Variants in AKNA observed in about 807,000 individuals in gnomAD.
AKNA encodes the protein microtubule organization protein AKNA.
AKNA carries 67 observed loss-of-function variants against 138.8 expected under a neutral mutation model. The observed-to-expected ratio is 0.48, with a 90% CI of 0.40 to 0.59. AKNA has a LOEUF of 0.59. AKNA is among the 20% of genes least tolerant of loss of function. AKNA has a pLI of 0.00. For synonymous variants in AKNA, 737 were observed against 754.4 expected (o/e 0.98, Z 0.38); for missense variants, 1,813 against 1,880.4 (o/e 0.96, Z 0.66).
Position 114,368,519 on chromosome 9 carries a change from A to G in AKNA, c.1493T>C (p.Leu498Ser). The part of the protein sequence containing the change: ...TGMVPQGTKV[L>S]SFTIPQPRSA... ...GCGGGGCTGTGGGATGGTGAAGGACAAGACCTTGGTCCCCTGGGGCACCAT... is the reference window on the plus strand; with the variant it reads ...GCGGGGCTGTGGGATGGTGAAGGACGAGACCTTGGTCCCCTGGGGCACCAT... Residue 498 changes from leucine (L) to serine (S), a missense_variant, in exon 5 of 22, where the codon TTG becomes TCG. Leu to Ser is a moderately radical substitution (Grantham distance 145, BLOSUM62 -2). Coordinates refer to ENST00000374088, the MANE Select transcript of AKNA (RefSeq NM_001317950.2). 7.3e-7 allele frequency: 1 copy of G among 1,377,448 alleles called. No homozygotes were observed. Among genetic ancestry groups the G allele is most frequent in the Non-Finnish European group, 9.5e-7 (1 of 1,057,352 alleles). The allele number at this position is 1,377,448 out of a possible 1,614,324, so 85.3% of individuals were successfully genotyped here.
Position 114,357,932 on chromosome 9 carries a change from G to A in AKNA, c.2728C>T (p.Pro910Ser). ...ATGTGGAGACTTACCTCCAGGTGGG[G>A]CCCACCGCCTCGGTGCAAAGGCTTC... The part of the protein sequence containing the change: ...PQKPLHRGGG[P>S]HLEETWMASP... Residue 910 changes from proline (P) to serine (S), a missense_variant, in exon 12 of 22, where the codon CCC (proline) becomes TCC (serine). Transcript: ENST00000374088. 6.3e-7 allele frequency: 1 copy of A among 1,597,968 alleles called. No homozygotes were observed. The highest frequency in any genetic ancestry group is 8.5e-7 in the Non-Finnish European group (1 of 1,175,302).
At chr9:114,357,433 C>T (rs1040244932) in intron 12 of AKNA, among the ~76,000 whole-genome samples, 1 of 152,222 alleles carries the variant, frequency 6.6e-6, no homozygotes, top group Non-Finnish European at 1.5e-5. Flanking sequence ...AGAACACAAA[C>T]AGAGCAACAC....
chr9:114,351,393 C>A (rs1831108575), intron 14 of AKNA, among the ~76,000 whole-genome samples: 1 of 152,198 alleles, frequency 6.6e-6, no homozygotes, highest in Non-Finnish European at 1.5e-5. Context: ...AGAGCCTCCT[C>A]TGAAATTATA....
chr9:114,343,820 G>T lies in AKNA; in HGVS notation c.3662-17C>A. The T allele has an allele frequency of 6.3e-7, 1 of 1,598,658 alleles. No individual in the cohort carries two copies. The highest frequency in any genetic ancestry group is 8.6e-7 in the Non-Finnish European group (1 of 1,167,560). On this transcript the variant is annotated splice_polypyrimidine_tract_variant and intron_variant, in intron 18 of 21. Coordinates refer to ENST00000374088, the MANE Select transcript of AKNA (RefSeq NM_001317950.2). ...ATTCGTGGCCTGGGGAAAGAAACCA[G>T]AACTGTCAGTATCAGCCCTGTGGAT...
chr9:114,347,897 C>A lies in AKNA; in HGVS notation c.3225G>T (p.Gln1075His). 1 of 1,551,582 alleles carries A rather than the reference C, an allele frequency of 6.4e-7. No individual in the cohort carries two copies. ...SFLLTRAGRD[Q>H]AICELQEEVS... ...CCTCTTCTTGCAGCTCACAGATGGC[C>A]TGGCTGGGGTTGGAGTGGAGACAGA... Residue 1075 changes from glutamine to histidine, a missense_variant, in exon 16 of 22, where the codon CAG (glutamine) becomes CAT (histidine). Physicochemically the swap from Gln to His is conservative, Grantham distance 24. Transcript: ENST00000374088.
chr9:114,393,466 C>T (rs1247031142), intron 1 of AKNA, among the ~76,000 whole-genome samples: 2 of 151,400 alleles, frequency 1.3e-5, no homozygotes, highest in African/African-American at 2.4e-5. Context: ...ACCTCGTGAT[C>T]CACCCGCCTC....
At chr9:114,343,591 C>A in intron 19 of AKNA, 117 bp downstream of exon 19, 1 of 1,048,312 alleles carries the variant, frequency 9.5e-7, no homozygotes, top group East Asian at 2.5e-5. Context: ...CTGGTCTGTC[C>A]CTATAACCCA....
intron 21 of AKNA, 127 bp downstream of exon 21, chr9:114,341,406 G>C (rs1222465910): frequency 8.5e-7 from 1 of 1,182,896 alleles, no homozygotes; most frequent in Non-Finnish European, 1.2e-6. Flanking sequence ...CCTACTGCAT[G>C]TTATCCACGC....
chr9:114,372,268 C>T (rs1442014293), intron 4 of AKNA, among the ~76,000 whole-genome samples: 1 of 152,084 alleles, frequency 6.6e-6, no homozygotes, highest in Non-Finnish European at 1.5e-5. Flanking sequence ...TCTGGCCTCT[C>T]CTGTGACACC....
chr9:114,398,031 A>G (rs1224685325), upstream of AKNA, among the ~76,000 whole-genome samples: 5 of 152,154 alleles, frequency 3.3e-5, no homozygotes, highest in Non-Finnish European at 7.4e-5. The surrounding 1 kb of genome is among the most constrained non-coding windows in gnomAD (Gnocchi z 4.2). Flanking sequence ...CCTCCAGCCC[A>G]AACACAGCCC....
chr9:114,382,304 T>C (rs1182423443), intron 1 of AKNA, among the ~76,000 whole-genome samples: 1 of 152,038 alleles, frequency 6.6e-6, no homozygotes, highest in African/African-American at 2.4e-5. Context: ...GAAAAAAGCA[T>C]TCCAGGCCAG....
At chr9:114,358,276 C>T (rs1320252750) in intron 11 of AKNA, 109 bp from the exon 12 acceptor site, 5 of 1,474,972 alleles carry the variant, frequency 3.4e-6, no homozygotes, top group Non-Finnish European at 4.6e-6. Context: ...TGGAGTCAGA[C>T]ATCCCTGGCT....
At chr9:114,397,157 C>T (rs1834559772), upstream of AKNA, among the ~76,000 whole-genome samples, 1 of 152,228 alleles carries the variant, frequency 6.6e-6, no homozygotes, top group South Asian at 2.1e-4. Flanking sequence ...TCGCCTCCCT[C>T]CTGCAGAAGA....
chr9:114,391,789 G>A (rs966211534), upstream of AKNA, among the ~76,000 whole-genome samples: 1 of 146,646 alleles, frequency 6.8e-6, no homozygotes, highest in African/African-American at 2.5e-5. Context: ...GGGAGGCGGA[G>A]GTTGCAGTGA....
upstream of AKNA, among the ~76,000 whole-genome samples, chr9:114,389,731 T>C (rs1412444508): frequency 6.6e-6 from 1 of 152,216 alleles, no homozygotes; most frequent in African/African-American, 2.4e-5. Flanking sequence ...TTAATATCTT[T>C]CCTGAAGCCT....
intron 7 of AKNA, among the ~76,000 whole-genome samples, chr9:114,363,239 AATTC>A (rs1352067900): frequency 1.3e-5 from 2 of 152,218 alleles, no homozygotes; most frequent in Non-Finnish European, 2.9e-5. Context: ...TGGTCCTAGC[AATTC>A]TGCTAGGCTC....
At chr9:114,364,429 T>A in intron 7 of AKNA, 131 bp downstream of exon 7, 1 of 881,396 alleles carries the variant, frequency 1.1e-6, no homozygotes, top group East Asian at 2.4e-5. Flanking sequence ...TCAGGAACTG[T>A]TTGCTCTAAA....
chr9:114,331,624 T>C, downstream of AKNA: 1 of 1,614,014 alleles, frequency 6.2e-7, no homozygotes. Context: ...AAGACCTTGA[T>C]GTTTGGTTCC....
chr9:114,387,192 T>C (rs1023999642), intron 1 of AKNA, among the ~76,000 whole-genome samples: 1 of 152,172 alleles, frequency 6.6e-6, no homozygotes, highest in Admixed American at 6.5e-5. Context: ...ACCCACCTGC[T>C]GGCAGGGCAC....
Sources: allele counts gnomAD v4.1 joint callset (sites outside exome capture counted in the v4.1 genomes callset), GRCh38; gene constraint gnomAD v4.1.1; non-coding constraint Gnocchi (gnomAD v3.1); transcripts MANE v1.5; gene names NCBI Gene and HGNC (gene_info 2026-07-23, HGNC 2026-07-21).